CYP46A1: variants seen among roughly 807,000 people sequenced by gnomAD.
CYP46A1 encodes the protein cytochrome P450 family 46 subfamily A member 1, also known as cholesterol 24-hydroxylase.
CYP46A1 carries 20 observed loss-of-function variants against 63.3 expected under a neutral mutation model. That is an observed-to-expected ratio of 0.32 (90% CI 0.22 to 0.46). The LOEUF (loss-of-function observed/expected upper bound fraction) is 0.46. Ranked by LOEUF, CYP46A1 falls within the 20% of genes least tolerant of loss-of-function variation. The pLI, the probability that CYP46A1 is intolerant of heterozygous loss-of-function variation, is 1.00. For synonymous variants in CYP46A1, 268 were observed against 273.6 expected, an observed-to-expected ratio of 0.98 and a Z score of 0.20; for missense variants, 445 against 670.8, an observed-to-expected ratio of 0.66 and a Z score of 3.72.
chr14:99,714,684 T>C (rs1270722324), intron 7 of CYP46A1, among the ~76,000 whole-genome samples: 1 of 148,370 alleles, frequency 6.7e-6, no homozygotes, highest in Non-Finnish European at 1.5e-5. Flanking sequence ...CACCTGAACC[T>C]GGAAAATGGA....
intron 3 of CYP46A1, among the ~76,000 whole-genome samples, chr14:99,695,720 T>C (rs897713108): frequency 1.3e-5 from 2 of 151,650 alleles, no homozygotes; most frequent in Non-Finnish European, 2.9e-5. Context: ...AACCTCCACC[T>C]CCAGGGTTCA....
chr14:99,704,579 T>C (rs2031569549), intron 5 of CYP46A1, among the ~76,000 whole-genome samples: 1 of 152,364 alleles, frequency 6.6e-6, no homozygotes, highest in East Asian at 1.9e-4. Flanking sequence ...GATTTTATTG[T>C]TCACCTAACG....
chr14:99,690,391 T>G (rs545351671), intron 1 of CYP46A1, among the ~76,000 whole-genome samples: 34 of 152,294 alleles, frequency 2.2e-4, no homozygotes, highest in East Asian at 1.5e-3. Flanking sequence ...CCTCTGACAT[T>G]GTCTTTACTT....
chr14:99,719,378 A>ATTTTTTTTTTTTTTTTTTTTTTTTTTTTT (rs55679517), intron 10 of CYP46A1, among the ~76,000 whole-genome samples: 1 of 142,570 alleles, frequency 7.0e-6, no homozygotes, highest in African/African-American at 2.7e-5. Flanking sequence ...CACCTGGCTA[A>ATTTTTTTTTTTTTTTTTTTTTTTTTTTTT]TTTTTTTTTT....
At chr14:99,721,352 G>A (rs1203951581) in intron 11 of CYP46A1, 29 bp downstream of exon 11, 2 of 1,454,394 alleles carry the variant, frequency 1.4e-6, no homozygotes, top group Admixed American at 1.7e-5. Flanking sequence ...AAGCTTCTGG[G>A]CGGATGTGGG....
intron 7 of CYP46A1, chr14:99,707,998 C>G (rs1285942747): frequency 2.4e-5 from 8 of 330,684 alleles, no homozygotes; most frequent in Non-Finnish European, 4.6e-5. Context: ...TGTCTCAGCA[C>G]ATCACCTCAT....
chr14:99,713,695 G>A (rs1385706146), intron 7 of CYP46A1, among the ~76,000 whole-genome samples: 13 of 151,494 alleles, frequency 8.6e-5, no homozygotes, highest in African/African-American at 2.9e-4. Flanking sequence ...CCTGGCCAAC[G>A]TGGTGAAACC....
chr14:99,717,885 C>A, intron 9 of CYP46A1, 169 bp from the exon 10 acceptor site: 1 of 542,946 alleles, frequency 1.8e-6, no homozygotes, highest in Non-Finnish European at 3.3e-6. Context: ...AGCACCTCCC[C>A]GGGCCAAGTG....
intron 3 of CYP46A1, among the ~76,000 whole-genome samples, chr14:99,695,203 G>A (rs2140116394): frequency 6.6e-6 from 1 of 152,220 alleles, no homozygotes; most frequent in Admixed American, 6.5e-5. Context: ...TTGTTTTATG[G>A]CCCAGCATAT....
intron 12 of CYP46A1, among the ~76,000 whole-genome samples, chr14:99,724,430 A>G (rs2056876370): frequency 6.6e-6 from 1 of 151,960 alleles, no homozygotes; most frequent in South Asian, 2.1e-4. Context: ...ATGCTCCTGT[A>G]CCAATACCAC....
chr14:99,685,301 GC>G (rs2056483486), intron 1 of CYP46A1, among the ~76,000 whole-genome samples: 1 of 19,122 alleles, frequency 5.2e-5, no homozygotes, highest in Non-Finnish European at 1.2e-4. Flanking sequence ...TCTTCTCCCA[GC>G]CTCCCCCTCC....
rs1036269587 is a variant in CYP46A1, at chr14:99,684,408, C to A, written c.-10C>A. The A allele has an allele frequency of 1.4e-6, 2 of 1,446,814 alleles. No individual in the cohort carries two copies. The highest frequency in any genetic ancestry group is 1.5e-5 in the African/African-American group (1 of 67,336). 89.6% of individuals were successfully genotyped at this position (1,446,814 alleles called of 1,614,324 possible). A position where few individuals can be genotyped will look rare whatever the true frequency, so the allele number is the denominator to read the frequency against. On this transcript the variant is annotated 5_prime_UTR_variant, in exon 1 of 15. Coordinates refer to ENST00000261835, the MANE Select transcript of CYP46A1 (RefSeq NM_006668.2). ...CCCGACCCTGGCCTGGCCTGCCCTG[C>A]CCCGGAGCCATGAGCCCCGGGCTGC... is the stretch of plus-strand genomic sequence containing the variant.
At chr14:99,690,527 A>G (rs1399683012) in intron 1 of CYP46A1, among the ~76,000 whole-genome samples, 1 of 152,206 alleles carries the variant, frequency 6.6e-6, no homozygotes, top group African/African-American at 2.4e-5. Flanking sequence ...CCTTGGAATG[A>G]GCTTCAGGAT....
In CYP46A1 at chr14:99,700,029, GCT is replaced by G; in HGVS notation, c.372_373del (p.Leu125GlyfsTer7). 1 of 1,597,894 alleles carries G rather than the reference GCT, an allele frequency of 6.3e-7. No homozygotes were observed. The stretch of plus-strand genomic sequence containing the variant: ...GTCTCCTACAGACTCTTCGGCCAAG[GCT>G]TGGTGTCCGAATGCAACTATGAGCG... On this transcript the variant is annotated frameshift_variant, in exon 5 of 15. Coordinates refer to ENST00000261835, the MANE Select transcript of CYP46A1 (RefSeq NM_006668.2). LOFTEE classifies it high-confidence loss of function.
At chr14:99,701,635 T>G (rs2056631420) in intron 5 of CYP46A1, among the ~76,000 whole-genome samples, 1 of 152,266 alleles carries the variant, frequency 6.6e-6, no homozygotes, top group African/African-American at 2.4e-5. Context: ...TACTTTACTT[T>G]TTAAATAACT....
chr14:99,691,531 A>G (rs1392267414), intron 2 of CYP46A1: 1 of 580,910 alleles, frequency 1.7e-6, no homozygotes, highest in African/African-American at 1.9e-5. Flanking sequence ...GGGACAATCA[A>G]AGAAGGAGTG....
At chr14:99,688,360 T>C (rs1356828234) in intron 1 of CYP46A1, among the ~76,000 whole-genome samples, 1 of 151,996 alleles carries the variant, frequency 6.6e-6, no homozygotes, top group African/African-American at 2.4e-5. Context: ...CCTGCTTCAG[T>C]CCCCATCACC....
chr14:99,707,754 G>T (rs1566830988), intron 7 of CYP46A1, 76 bp downstream of exon 7: 7 of 1,105,056 alleles, frequency 6.3e-6, no homozygotes, highest in East Asian at 2.7e-5. Context: ...CTCCTTCAGT[G>T]ATTTTTTTTT....
At chr14:99,691,972 C>T (rs113180502) in intron 3 of CYP46A1, 111 bp downstream of exon 3, 81 of 1,112,642 alleles carry the variant, frequency 7.3e-5, no homozygotes, top group African/African-American at 1.5e-4. Flanking sequence ...AGGCGCATTT[C>T]GGCTGGTTTC....
Sources: gnomAD v4.1 joint callset for allele counts (sites outside exome capture counted in the v4.1 genomes callset) on GRCh38, gnomAD v4.1.1 for gene constraint, MANE v1.5 for transcripts, NCBI Gene and HGNC (gene_info 2026-07-23, HGNC 2026-07-21) for gene names.